Variants in CDH3 observed in about 807,000 individuals in gnomAD.
CDH3 encodes cadherin 3, also known as cadherin-3.
A neutral mutation model predicts 82.0 loss-of-function variants in CDH3; 54 were observed. That is an observed-to-expected ratio of 0.66 (90% CI 0.53 to 0.83). The LOEUF is 0.83. Ranked by LOEUF, CDH3 falls within the 40% of genes least tolerant of loss-of-function variation. The pLI is 0.00. For missense variants in CDH3, 1,054 were observed against 1,084.6 expected (o/e 0.97, Z 0.40); for synonymous variants, 446 against 437.9 (o/e 1.02, Z -0.23).
intron 11 of CDH3, 27 bp from the exon 12 acceptor site, chr16:68,687,485 G>T (rs756874208): frequency 3.5e-5 from 56 of 1,593,514 alleles, no homozygotes; most frequent in Non-Finnish European, 3.5e-5. Flanking sequence ...GTCACAGGGA[G>T]CTCATCATAT....
chr16:68,695,505 G>C, intron 14 of CDH3, 120 bp downstream of exon 14: 1 of 1,055,822 alleles, frequency 9.5e-7, no homozygotes, highest in Non-Finnish European at 1.4e-6. Flanking sequence ...TGAAGCATGC[G>C]TCTTCCTTTT....
chr16:68,694,478 C>T (rs1961654608), intron 13 of CDH3, among the ~76,000 whole-genome samples: 1 of 151,294 alleles, frequency 6.6e-6, no homozygotes, highest in Non-Finnish European at 1.5e-5. Context: ...AAAAATTAGC[C>T]AGGCTTGGTG....
chr16:68,706,822 G>A (rs1337733878), intron 1 of CDH3, among the ~76,000 whole-genome samples: 2 of 152,094 alleles, frequency 1.3e-5, no homozygotes, highest in African/African-American at 4.8e-5. Flanking sequence ...ACAAAGTTCT[G>A]GGATTACAGG....
intron 2 of CDH3, among the ~76,000 whole-genome samples, chr16:68,724,559 C>A (rs1434199334): frequency 6.6e-6 from 1 of 151,460 alleles, no homozygotes; most frequent in Non-Finnish European, 1.5e-5. Flanking sequence ...CCCAGGAGTT[C>A]AAGGTTGCAG....
intron 7 of CDH3, 59 bp from the exon 8 acceptor site, chr16:68,680,909 C>G: frequency 6.2e-7 from 1 of 1,604,456 alleles, no homozygotes; most frequent in Non-Finnish European, 8.5e-7. Context: ...TCCTGGAGGT[C>G]AGGGGAGGGA....
At position 68,695,343 on chromosome 16, in the gene CDH3, C is replaced by T. The variant is rs555015178; in HGVS notation, c.2091C>T (p.Asn697=). 81 of 1,613,956 alleles carry T rather than the reference C, an allele frequency of 5.0e-5. 2 individuals carry two copies. The South Asian group carries it at 5.9e-4, about 12-fold the overall frequency. The part of the protein sequence containing the change: ...LLLPEDDTRD[N]VFYYGEEGGG... The stretch of plus-strand genomic sequence containing the variant: ...TCCCAGAAGATGACACCCGTGACAA[C>T]GTCTTCTACTATGGCGAAGAGGGGG... Residue 697 remains asparagine, a synonymous_variant, in exon 14 of 16, where the codon AAC becomes AAT. Coordinates refer to ENST00000264012, the MANE Select transcript of CDH3 (RefSeq NM_001793.6).
chr16:68,726,265 C>A (rs73557373), intron 2 of CDH3, among the ~76,000 whole-genome samples: 2,230 of 152,152 alleles, frequency 0.015, 69 homozygotes, highest in African/African-American at 0.051. Flanking sequence ...GCCAGAGGAC[C>A]AAATGCCCCT....
intron 2 of CDH3, among the ~76,000 whole-genome samples, chr16:68,657,809 C>A (rs192226336): frequency 1.3e-5 from 2 of 152,194 alleles, no homozygotes; most frequent in Non-Finnish European, 2.9e-5. Context: ...AGTAGCCCCC[C>A]TTTTGTTGAA....
intron 2 of CDH3, among the ~76,000 whole-genome samples, chr16:68,667,180 T>A (rs1447613118): frequency 6.6e-6 from 1 of 152,232 alleles, no homozygotes; most frequent in African/African-American, 2.4e-5. Flanking sequence ...TGCCAGAATC[T>A]TTCTTCAAGT....
chr16:68,663,687 C>A (rs1447828679), intron 2 of CDH3, among the ~76,000 whole-genome samples: 1 of 151,872 alleles, frequency 6.6e-6, no homozygotes, highest in East Asian at 1.9e-4. Flanking sequence ...GGGCCTAAGT[C>A]TTGGTGGGTG....
chr16:68,709,537 C>G (rs1255970348), intron 1 of CDH3, among the ~76,000 whole-genome samples: 1 of 152,156 alleles, frequency 6.6e-6, no homozygotes, highest in East Asian at 1.9e-4. Context: ...CGGCTTACTG[C>G]AACCTCTGCC....
chr16:68,698,003 T>TA (rs1449401421), intron 15 of CDH3, 188 bp from the exon 16 acceptor site: 1 of 675,328 alleles, frequency 1.5e-6, no homozygotes, highest in Non-Finnish European at 2.7e-6. Context: ...TGGCCTGTGT[T>TA]GCACTGAGCA....
chr16:68,672,965 A>G (rs918313326), intron 2 of CDH3, among the ~76,000 whole-genome samples: 23 of 152,046 alleles, frequency 1.5e-4, no homozygotes, highest in African/African-American at 5.6e-4. Flanking sequence ...CTACTACTCA[A>G]CCTTATGTTT....
intron 2 of CDH3, among the ~76,000 whole-genome samples, chr16:68,655,369 G>A (rs147999830): frequency 1.6e-4 from 25 of 152,276 alleles, no homozygotes; most frequent in Non-Finnish European, 3.1e-4. Context: ...GGTAAGTAAG[G>A]CCACAGCTCC....
rs1438971135 is a variant in CDH3 at position 68,645,603 on chromosome 16, C to T, written c.46-33C>T. 5 of 1,522,004 alleles carry T rather than the reference C, an allele frequency of 3.3e-6. No individual in the cohort carries two copies. The South Asian group carries it at 4.8e-5, about 15-fold the overall frequency. 94.3% of individuals were successfully genotyped at this position (1,522,004 alleles called of 1,614,324 possible). A position where few individuals can be genotyped will look rare whatever the true frequency, so the allele number is the denominator to read the frequency against. The stretch of plus-strand genomic sequence containing the variant: ...AGTGCAGGGCCGGGCACGCCTGGAC[C>T]CAGCCTCCTTCACTCTCTGCCCTCG... On this transcript the variant is annotated intron_variant, in intron 1 of 15. Transcript: ENST00000264012.
At chr16:68,711,801 G>A (rs1962034371) in intron 1 of CDH3, among the ~76,000 whole-genome samples, 2 of 152,192 alleles carry the variant, frequency 1.3e-5, no homozygotes, top group South Asian at 4.1e-4. Context: ...GAGAGGAGCA[G>A]AGGAACCCTG....
At chr16:68,675,256 C>A (rs1960997503) in intron 2 of CDH3, among the ~76,000 whole-genome samples, 1 of 152,132 alleles carries the variant, frequency 6.6e-6, no homozygotes, top group South Asian at 2.1e-4. Flanking sequence ...AGTTTGTGCC[C>A]TCGCCTGACA....
At position 68,698,893 on chromosome 16, in the gene CDH3, C is replaced by G; in HGVS notation, c.*493C>G. On this transcript the variant is annotated 3_prime_UTR_variant, in exon 16 of 16. Transcript: ENST00000264012. ...CTGGTTTCCAGACCCCAATGCCTCC[C>G]ATTCGGATGGATCTCTGCGTTTTTA... 1 of 165,842 alleles carries G rather than the reference C, an allele frequency of 6.0e-6. No individual in the cohort carries two copies. 10.3% of individuals were successfully genotyped at this position (165,842 alleles called of 1,614,324 possible). A position where few individuals can be genotyped will look rare whatever the true frequency, so the allele number is the denominator to read the frequency against.
Position 68,679,868 on chromosome 16 carries a change from C to T in CDH3, c.761C>T (p.Ala254Val), listed in dbSNP as rs755564815. 1.4e-5 allele frequency: 22 copies of T among 1,613,258 alleles called. No individual in the cohort carries two copies. Among genetic ancestry groups the T allele is most frequent in the Middle Eastern group, 1.6e-4 (1 of 6,062 alleles). ...ATCTACACCTACAATGGGGTGGTTG[C>T]TTACTCCATCCATAGCCAAGAACCA... ...DAIYTYNGVV[A>V]YSIHSQEPKD... Residue 254 changes from alanine (A) to valine (V), a missense_variant, in exon 7 of 16, where the codon GCT (alanine) becomes GTT (valine). Ala to Val is a moderately conservative substitution (Grantham distance 64). Transcript: ENST00000264012.
Sources: gnomAD v4.1 joint callset for allele counts (sites outside exome capture counted in the v4.1 genomes callset) on GRCh38, gnomAD v4.1.1 for gene constraint, MANE v1.5 for transcripts, NCBI Gene and HGNC (gene_info 2026-07-23, HGNC 2026-07-21) for gene names.